RUVBL1: variants seen among roughly 807,000 people sequenced by gnomAD.
RUVBL1 encodes ruvB-like 1.
RUVBL1 carries 4 observed loss-of-function variants against 52.4 expected under a neutral mutation model. The observed-to-expected ratio is 0.08, with a 90% confidence interval of 0.04 to 0.17. The LOEUF is 0.17. RUVBL1 is among the 10% of genes least tolerant of loss of function. RUVBL1 has a pLI of 1.00. For missense variants in RUVBL1, 298 were observed against 572.8 expected, an observed-to-expected ratio of 0.52 and a Z score of 4.90; for synonymous variants, 217 against 214.4, an observed-to-expected ratio of 1.01 and a Z score of -0.10.
intron 8 of RUVBL1, among the ~76,000 whole-genome samples, chr3:128,090,671 T>C (rs1052498584): frequency 2.1e-4 from 32 of 152,264 alleles, no homozygotes; most frequent in African/African-American, 7.5e-4. Flanking sequence ...AATTCTATCA[T>C]GATTCAAATC....
At chr3:128,109,809 A>ATTTTTTTTT (rs60187195) in intron 3 of RUVBL1, among the ~76,000 whole-genome samples, 4 of 80,486 alleles carry the variant, frequency 5.0e-5, no homozygotes, top group Non-Finnish European at 6.5e-5. Context: ...CTCTCTGTAA[A>ATTTTTTTTT]TTTTTTTTTT....
chr3:128,069,726 A>G (rs1201571960), intron 9 of RUVBL1: 1 of 1,397,996 alleles, frequency 7.2e-7, no homozygotes, highest in Non-Finnish European at 1.0e-6. Context: ...AGCTCTCATC[A>G]TGGCGCGTGC....
chr3:128,125,512 C>T (rs971012094), upstream of RUVBL1, among the ~76,000 whole-genome samples: 1 of 152,198 alleles, frequency 6.6e-6, no homozygotes, highest in Non-Finnish European at 1.5e-5. Context: ...GTGCCTGGCA[C>T]ACAGCCTACA....
At position 128,101,970 on chromosome 3, in the gene RUVBL1, G is replaced by A. The variant is rs3772118; in HGVS notation, c.514-322C>T. Among the ~76,000 whole-genome samples, 4,121 of 152,288 alleles carry A rather than the reference G, an allele frequency of 0.027. 404 individuals carry two copies. In the East Asian group the frequency reaches 0.35, roughly 13 times the overall value. The stretch of plus-strand genomic sequence containing the variant: ...CCAAAGGCTGTAAACTGGCAGCAGC[G>A]CTTTTATAAGGATGGTCCTGGCTGC... On this transcript the variant is annotated intron_variant, in intron 4 of 10. Transcript: ENST00000322623.
rs1943007861 is a variant in RUVBL1 at position 128,097,362 on chromosome 3, G to A, written c.954C>T (p.Ala318=). Reference sequence around the variant, plus strand: ...CGATGGGAGCGATAGAAGACTCCAGGGCGCGGTGCAGGTAGGTGAAGCACT... The same window carrying A: ...CGATGGGAGCGATAGAAGACTCCAGAGCGCGGTGCAGGTAGGTGAAGCACT... ...DIECFTYLHR[A]LESSIAPIVI... is the part of the protein sequence containing the mutation. Residue 318 remains alanine (A), a synonymous_variant, in exon 8 of 11, where the codon GCC becomes GCT. Transcript: ENST00000322623. 1.2e-6 allele frequency: 2 copies of A among 1,614,188 alleles called. No homozygotes were observed. Among genetic ancestry groups the A allele is most frequent in the Non-Finnish European group, 1.7e-6 (2 of 1,180,036 alleles).
rs140979665 is a variant in RUVBL1, at chr3:128,082,307, T to A, written c.1211+176A>T. 679 of 577,828 alleles carry A rather than the reference T, an allele frequency of 1.2e-3. 11 individuals are homozygous for A. In the East Asian group the frequency reaches 0.019, roughly 16 times the overall value. 35.8% of individuals were successfully genotyped at this position (577,828 alleles called of 1,614,324 possible). ...CCTTACTCTAGCTTGTTAAAAACCA[T>A]CAGATAGATCCTCTGCATTTGAAAC... On this transcript the variant is annotated intron_variant, in intron 10 of 10. Transcript: ENST00000322623. This position sits in a 1 kb window ranked among gnomAD's most constrained non-coding sequence, Gnocchi z 4.7.
At chr3:128,066,881 G>A (rs1021545790) in intron 9 of RUVBL1, 60 of 1,479,398 alleles carry the variant, frequency 4.1e-5, no homozygotes, top group East Asian at 2.3e-4. Context: ...GACAGTCCCC[G>A]GCCGGGCTGT....
chr3:128,093,348 C>G (rs956306482), intron 8 of RUVBL1, among the ~76,000 whole-genome samples: 1 of 151,902 alleles, frequency 6.6e-6, no homozygotes, highest in African/African-American at 2.4e-5. Flanking sequence ...CAGAAGGGGA[C>G]GATGACTATT....
intron 3 of RUVBL1, 97 bp from the exon 4 acceptor site, chr3:128,105,021 C>T: frequency 7.4e-7 from 1 of 1,359,626 alleles, no homozygotes; most frequent in East Asian, 2.3e-5. Context: ...GCCAAATCAA[C>T]CTTAATAATG....
intron 3 of RUVBL1, among the ~76,000 whole-genome samples, chr3:128,109,010 C>A (rs1471259145): frequency 6.6e-6 from 1 of 151,958 alleles, no homozygotes; most frequent in Non-Finnish European, 1.5e-5. Context: ...AAAATTAAGC[C>A]CCATGGTTTA....
At chr3:128,079,800 G>A (rs1409723070), downstream of RUVBL1, among the ~76,000 whole-genome samples, 3 of 152,228 alleles carry the variant, frequency 2.0e-5, no homozygotes, top group Admixed American at 6.5e-5. Context: ...ACAGGGGACT[G>A]TCCCTAATGG....
chr3:128,075,849 C>G (rs1468336206), downstream of RUVBL1: 1 of 152,530 alleles, frequency 6.6e-6, no homozygotes, highest in African/African-American at 2.4e-5. Flanking sequence ...AGTGGCTGGT[C>G]CTGCCTCCGC....
At chr3:128,137,179 C>G (rs969721899) in intron 1 of RUVBL1, among the ~76,000 whole-genome samples, 4 of 151,622 alleles carry the variant, frequency 2.6e-5, no homozygotes, top group African/African-American at 9.7e-5. Flanking sequence ...CAAACCAAAT[C>G]TAAAATTAGT....
rs557660548 is a variant in RUVBL1 at position 128,147,791 on chromosome 3, T to C, written c.-40+5412A>G. ...GAAACTTATGTTGGCATAAAACCTA[T>C]ACATAAGTGTTTAGAGCAGCTTTAT... On this transcript the variant is annotated intron_variant, in intron 1 of 9. Transcript: ENST00000464873. Among the ~76,000 whole-genome samples the C allele has an allele frequency of 1.6e-4, 24 of 152,318 alleles. No homozygotes were observed. In the East Asian group the frequency reaches 4.4e-3, roughly 28 times the overall value.
At chr3:128,071,011 A>G (rs1942150627) in intron 9 of RUVBL1, 1 of 152,342 alleles carries the variant, frequency 6.6e-6, no homozygotes, top group Non-Finnish European at 1.5e-5. Context: ...TGATCCTAAG[A>G]AGGGGGCCTG....
intron 9 of RUVBL1, among the ~76,000 whole-genome samples, chr3:128,075,649 G>A (rs949321973): frequency 6.6e-6 from 1 of 151,284 alleles, no homozygotes. Flanking sequence ...TGGAATCTCG[G>A]ATCCCTGGGC....
At chr3:128,146,852 T>TCACA (rs1256335828) in intron 1 of RUVBL1, among the ~76,000 whole-genome samples, 1 of 152,200 alleles carries the variant, frequency 6.6e-6, no homozygotes, top group African/African-American at 2.4e-5. Context: ...TGCGTTTGTG[T>TCACA]CTCTGTGAGT....
chr3:128,110,373 T>C (rs1265035679), intron 3 of RUVBL1, among the ~76,000 whole-genome samples: 3 of 152,128 alleles, frequency 2.0e-5, no homozygotes, highest in Non-Finnish European at 4.4e-5. Context: ...GGTGTGCACC[T>C]ATAGCCCCAG....
In RUVBL1 at chr3:128,109,949, G is replaced by A. The variant is rs559596299; in HGVS notation, c.361+2939C>T. Among the ~76,000 whole-genome samples, 4 of 150,488 alleles carry A rather than the reference G, an allele frequency of 2.7e-5. No homozygotes were observed. In the East Asian group the frequency reaches 5.9e-4, roughly 22 times the overall value. On this transcript the variant is annotated intron_variant, in intron 3 of 10. Coordinates refer to ENST00000322623, the MANE Select transcript of RUVBL1 (RefSeq NM_003707.3). ...TCCTGCCTCAGCCTCCCAAGTAGCT[G>A]GGATTACAGGCGTATGCCACCATGC... is the stretch of plus-strand genomic sequence containing the variant.
Sources: allele counts gnomAD v4.1 joint callset (sites outside exome capture counted in the v4.1 genomes callset), GRCh38; gene constraint gnomAD v4.1.1; non-coding constraint Gnocchi (gnomAD v3.1); transcripts MANE v1.5; gene names NCBI Gene and HGNC (gene_info 2026-07-23, HGNC 2026-07-21).